The following OGA variants were observed in gnomAD, a reference collection of about 807,000 sequenced individuals.
OGA encodes the protein O-GlcNAcase.
Under a neutral mutation model 102.0 loss-of-function variants are expected in OGA, and 21 were observed. That is an observed-to-expected ratio of 0.21 (90% CI 0.15 to 0.30). OGA has a LOEUF of 0.30. OGA is among the 10% of genes least tolerant of loss of function. The pLI is 1.00. For missense variants in OGA, 765 were observed against 1,107.8 expected (o/e 0.69, Z 4.39); for synonymous variants, 408 against 378.2 (o/e 1.08, Z -0.91).
intron 14 of OGA, among the ~76,000 whole-genome samples, chr10:101,789,361 G>T (rs1334980043): frequency 6.6e-6 from 1 of 152,134 alleles, no homozygotes; most frequent in African/African-American, 2.4e-5. Flanking sequence ...ATCCGGGCGT[G>T]GTGGCACATG....
At chr10:101,806,673 A>G (rs190737893) in intron 5 of OGA, among the ~76,000 whole-genome samples, 20 of 152,386 alleles carry the variant, frequency 1.3e-4, no homozygotes, top group Admixed American at 1.2e-3. Flanking sequence ...TAAAAAAACA[A>G]GAACTGCAGC....
In OGA at chr10:101,809,756, TAGAAACAA is replaced by T. The variant is rs536028404; in HGVS notation, c.480+420_480+427del. ...GCATTCAAAGTAAAAAAAATTCTTA[TAGAAACAA>T]AGAAATAAAAAACCAGGCATGGTGA... On this transcript the variant is annotated intron_variant, in intron 4 of 15. Transcript: ENST00000361464. Among the ~76,000 whole-genome samples the T allele has an allele frequency of 2.5e-4, 36 of 142,642 alleles. No individual in the cohort carries two copies. The East Asian group carries it at 7.2e-3, about 29-fold the overall frequency. The allele number at this position is 142,642 out of a possible 152,430, so 93.6% of individuals were successfully genotyped here. A position where few individuals can be genotyped will look rare whatever the true frequency, so the allele number is the denominator to read the frequency against.
chr10:101,796,137 C>T (rs1230557635), intron 10 of OGA, among the ~76,000 whole-genome samples: 1 of 151,960 alleles, frequency 6.6e-6, no homozygotes, highest in East Asian at 1.9e-4. Context: ...AGTTTAAATC[C>T]CTATAAGAAT....
At position 101,797,987 on chromosome 10, in the gene OGA, C is replaced by T. The variant is rs559960113; in HGVS notation, c.1977G>A (p.Gln659=). ...SIMSMVKSFV[Q]WLGCRSHSSA... ...TATTCCTGGTGCACCTACCTAACCA[C>T]TGTACAAAAGACTTCACCATAGACA... The change falls in exon 10 of 16, where the codon CAG becomes CAA. Residue 659 remains glutamine (Q), a synonymous_variant. Transcript: ENST00000361464. 3 of 1,612,698 alleles carry T rather than the reference C, an allele frequency of 1.9e-6. No homozygotes were observed. In the Admixed American group the frequency reaches 5.0e-5, roughly 27 times the overall value.
intron 10 of OGA, 195 bp from the exon 11 acceptor site, chr10:101,794,193 A>G (rs1046874529): frequency 1.8e-4 from 71 of 394,486 alleles, no homozygotes; most frequent in Admixed American, 8.2e-5. Flanking sequence ...CCTTCCTCCA[A>G]TTAATGAATA....
intron 6 of OGA, among the ~76,000 whole-genome samples, chr10:101,805,266 T>A (rs959150773): frequency 6.6e-6 from 1 of 152,124 alleles, no homozygotes; most frequent in African/African-American, 2.4e-5. Flanking sequence ...CCTGGGGGCT[T>A]CCACCTCAGG....
At chr10:101,816,669 T>C (rs1474903090) in intron 1 of OGA, among the ~76,000 whole-genome samples, 1 of 152,226 alleles carries the variant, frequency 6.6e-6, no homozygotes, top group African/African-American at 2.4e-5. Context: ...ATAGCAGTTT[T>C]CCATTCTGTA....
At position 101,800,258 on chromosome 10, in the gene OGA, C is replaced by T. The variant is rs1448065387; in HGVS notation, c.1179G>A (p.Val393=). Residue 393 remains valine, a synonymous_variant, in exon 8 of 16, where the codon GTG becomes GTA. Coordinates refer to ENST00000361464, the MANE Select transcript of OGA (RefSeq NM_012215.5). ...CAAACTCACTGCTGTATTGATGAGG[C>T]ACACCAAACTCTTGCAACCATTCTG... ...ALTEWLQEFG[V]PHQYSSRQVA... is the part of the protein sequence containing the mutation. 1 of 1,613,850 alleles carries T rather than the reference C, an allele frequency of 6.2e-7. No homozygotes were observed. Among genetic ancestry groups the T allele is most frequent in the Non-Finnish European group, 8.5e-7 (1 of 1,179,932 alleles).
intron 13 of OGA, 105 bp downstream of exon 13, chr10:101,791,249 G>A (rs1324011103): frequency 3.3e-6 from 4 of 1,228,140 alleles, no homozygotes; most frequent in Non-Finnish European, 4.6e-6. Context: ...TAAAGCCAAA[G>A]TGGGATTTAA....
At position 101,818,336 on chromosome 10, in the gene OGA, C is replaced by T. The variant is rs984410694; in HGVS notation, c.-314G>A. On this transcript the variant is annotated 5_prime_UTR_variant, in exon 1 of 16. Transcript: ENST00000361464. Reference sequence around the variant, plus strand: ...GACGGCCAAGGGTCCTGTCCTCGTTCTCTGCCTCTGCTGCCCTCCCGATAA... The same window carrying T: ...GACGGCCAAGGGTCCTGTCCTCGTTTTCTGCCTCTGCTGCCCTCCCGATAA... 3 of 1,141,524 alleles carry T rather than the reference C, an allele frequency of 2.6e-6. No homozygotes were observed. Among genetic ancestry groups the T allele is most frequent in the Non-Finnish European group, 2.2e-6 (2 of 927,144 alleles). 70.7% of individuals were successfully genotyped at this position (1,141,524 alleles called of 1,614,324 possible). A position where few individuals can be genotyped will look rare whatever the true frequency, so the allele number is the denominator to read the frequency against.
At chr10:101,815,291 T>C (rs2065607127) in intron 1 of OGA, among the ~76,000 whole-genome samples, 1 of 152,226 alleles carries the variant, frequency 6.6e-6, no homozygotes, top group African/African-American at 2.4e-5. Context: ...TCTTTTTTTT[T>C]TTTCTCAGGC....
At chr10:101,793,887 A>G (rs1271286145) in intron 11 of OGA, 26 bp downstream of exon 11, 2 of 1,525,074 alleles carry the variant, frequency 1.3e-6, no homozygotes, top group Non-Finnish European at 1.8e-6. Flanking sequence ...GAAAATGTCA[A>G]TTCAGTTGTG....
At chr10:101,809,979 G>A (rs761481442) in intron 4 of OGA, among the ~76,000 whole-genome samples, 1 of 152,102 alleles carries the variant, frequency 6.6e-6, no homozygotes, top group African/African-American at 2.4e-5. Flanking sequence ...GGAGGCGGAG[G>A]AGGTTGCAGT....
intron 11 of OGA, 133 bp from the exon 12 acceptor site, chr10:101,793,076 T>C (rs1251506543): frequency 1.6e-6 from 1 of 607,136 alleles, no homozygotes; most frequent in East Asian, 2.8e-5. Context: ...GGGTGTACTA[T>C]GCTTTACTAA....
chr10:101,790,189 C>T (rs1429011522), intron 14 of OGA, among the ~76,000 whole-genome samples: 1 of 151,660 alleles, frequency 6.6e-6, no homozygotes, highest in African/African-American at 2.4e-5. Flanking sequence ...AAGTTATTAA[C>T]CTTCTGAGAA....
intron 10 of OGA, among the ~76,000 whole-genome samples, chr10:101,796,607 A>G (rs1008170856): frequency 6.7e-6 from 1 of 148,548 alleles, no homozygotes; most frequent in Admixed American, 6.7e-5. Flanking sequence ...GTCTCCCTCT[A>G]TCGCCCAGGC....
chr10:101,793,041 T>C lies in OGA; in HGVS notation c.2071-98A>G, dbSNP rs372985584. On this transcript the variant is annotated intron_variant, in intron 11 of 15. Coordinates refer to ENST00000361464, the MANE Select transcript of OGA (RefSeq NM_012215.5). ...AGATTACCAACTTATATTAACTGGC[T>C]ACTGCAGGCAGACCTAAAGAAGAGG... 16 of 886,920 alleles carry C rather than the reference T, an allele frequency of 1.8e-5. No individual in the cohort carries two copies. The East Asian group carries it at 2.0e-4, about 11-fold the overall frequency. The allele number at this position is 886,920 out of a possible 1,614,324, so 54.9% of individuals were successfully genotyped here.
chr10:101,786,896 T>C (rs1182298779), intron 15 of OGA, among the ~76,000 whole-genome samples: 1 of 152,084 alleles, frequency 6.6e-6, no homozygotes, highest in Non-Finnish European at 1.5e-5. Flanking sequence ...GCCTCCCGAG[T>C]AGCTGGGATT....
chr10:101,812,677 T>C (rs987773607), intron 3 of OGA: 4 of 269,384 alleles, frequency 1.5e-5, no homozygotes, highest in African/African-American at 2.2e-5. Context: ...CCCTTAAAAT[T>C]TGCACCCAAG....
Sources: gnomAD v4.1 joint callset for allele counts (sites outside exome capture counted in the v4.1 genomes callset) on GRCh38, gnomAD v4.1.1 for gene constraint, MANE v1.5 for transcripts, NCBI Gene and HGNC (gene_info 2026-07-23, HGNC 2026-07-21) for gene names.